RASAL2: variants seen among roughly 807,000 people sequenced by gnomAD.
RASAL2 encodes ras GTPase-activating protein nGAP.
Under a neutral mutation model 128.9 loss-of-function variants are expected in RASAL2, and 58 were observed. That is an observed-to-expected ratio of 0.45 (90% CI 0.36 to 0.56). The LOEUF (loss-of-function observed/expected upper bound fraction) is 0.56, where lower values mean the gene tolerates loss of function less well. Ranked by LOEUF, RASAL2 falls within the 20% of genes least tolerant of loss-of-function variation. RASAL2 has a pLI of 0.00. For synonymous variants in RASAL2, 561 were observed against 580.8 expected, an observed-to-expected ratio of 0.97 and a Z score of 0.49; for missense variants, 1,360 against 1,601.6, an observed-to-expected ratio of 0.85 and a Z score of 2.57.
intron 3 of RASAL2, among the ~76,000 whole-genome samples, chr1:178,378,950 G>T (rs914992619): frequency 3.3e-5 from 5 of 151,688 alleles, no homozygotes; most frequent in Non-Finnish European, 7.4e-5. Context: ...GAAATAAACA[G>T]AATCAATAAA....
intron 1 of RASAL2, among the ~76,000 whole-genome samples, chr1:178,217,509 A>G (rs1478961938): frequency 1.3e-5 from 2 of 152,176 alleles, no homozygotes; most frequent in Non-Finnish European, 2.9e-5. Flanking sequence ...AGTTTTGACA[A>G]GCTACAGGCA....
intron 4 of RASAL2, among the ~76,000 whole-genome samples, chr1:178,407,801 A>C (rs944954984): frequency 5.3e-5 from 8 of 152,220 alleles, no homozygotes; most frequent in African/African-American, 1.9e-4. Context: ...GGAACGCAGC[A>C]GTGCTAGGAT....
At chr1:178,118,539 A>C (rs1368193413) in intron 1 of RASAL2, among the ~76,000 whole-genome samples, 1 of 152,218 alleles carries the variant, frequency 6.6e-6, no homozygotes, top group African/African-American at 2.4e-5. Context: ...GCTTAGTCAC[A>C]AATGGGTTGT....
chr1:178,204,970 A>G (rs1023332991), intron 1 of RASAL2, among the ~76,000 whole-genome samples: 1 of 152,214 alleles, frequency 6.6e-6, no homozygotes, highest in African/African-American at 2.4e-5. Context: ...TAGAATTACT[A>G]GCTGAAAATA....
intron 1 of RASAL2, among the ~76,000 whole-genome samples, chr1:178,268,411 T>C (rs1666087295): frequency 6.6e-6 from 1 of 151,840 alleles, no homozygotes; most frequent in African/African-American, 2.4e-5. Context: ...GAGGTTGCAG[T>C]GAGCCGAGAT....
At chr1:178,266,805 G>C (rs567860564) in intron 1 of RASAL2, among the ~76,000 whole-genome samples, 20 of 152,228 alleles carry the variant, frequency 1.3e-4, no homozygotes, top group South Asian at 8.3e-4. Context: ...GGAAAAAACT[G>C]GCCCTCCCAC....
chr1:178,262,797 T>C (rs1207929995), intron 1 of RASAL2, among the ~76,000 whole-genome samples: 2 of 117,708 alleles, frequency 1.7e-5, no homozygotes, highest in Non-Finnish European at 3.3e-5. Context: ...CCCCACTCAT[T>C]TTTTTTTTTT....
At chr1:178,456,467 G>T in intron 12 of RASAL2, 1 of 559,846 alleles carries the variant, frequency 1.8e-6, no homozygotes, top group Non-Finnish European at 3.2e-6. Context: ...ATTTTTACTT[G>T]CATAATCCTG....
intron 1 of RASAL2, among the ~76,000 whole-genome samples, chr1:178,242,329 T>G (rs1200424817): frequency 6.6e-6 from 1 of 152,178 alleles, no homozygotes; most frequent in Non-Finnish European, 1.5e-5. Context: ...CTCTTAATAT[T>G]TTAGCATATC....
At chr1:178,341,554 G>A (rs777624508) in intron 3 of RASAL2, 62 of 1,613,556 alleles carry the variant, frequency 3.8e-5, no homozygotes, top group Middle Eastern at 1.6e-4. Context: ...TCTGACTGGC[G>A]TGCCGGAAAG....
intron 3 of RASAL2, 128 bp downstream of exon 3, chr1:178,300,246 G>A: frequency 1.8e-6 from 2 of 1,099,154 alleles, no homozygotes; most frequent in South Asian, 1.6e-5. Flanking sequence ...GGCACGTTAA[G>A]CGAGAGTTAG....
At chr1:178,327,331 T>G (rs1669084942) in intron 3 of RASAL2, among the ~76,000 whole-genome samples, 1 of 151,944 alleles carries the variant, frequency 6.6e-6, no homozygotes, top group Admixed American at 6.6e-5. Context: ...AAAATACAGT[T>G]TATTTTATTT....
chr1:178,358,487 A>G (rs1213496263), intron 3 of RASAL2, among the ~76,000 whole-genome samples: 1 of 152,088 alleles, frequency 6.6e-6, no homozygotes, highest in Non-Finnish European at 1.5e-5. Context: ...AGCATGACCA[A>G]CTCAATAGAA....
chr1:178,158,736 T>G (rs1269341203), intron 1 of RASAL2, among the ~76,000 whole-genome samples: 2 of 152,204 alleles, frequency 1.3e-5, no homozygotes, highest in African/African-American at 4.8e-5. Flanking sequence ...TTTCTTCCCT[T>G]ATAATTCAAA....
At chr1:178,298,457 G>A (rs543103506) in intron 2 of RASAL2, among the ~76,000 whole-genome samples, 17 of 152,294 alleles carry the variant, frequency 1.1e-4, no homozygotes, top group African/African-American at 4.1e-4. Flanking sequence ...GCCTATGGAG[G>A]CATTAGGAAT....
chr1:178,102,892 A>C (rs1446155390), intron 1 of RASAL2, among the ~76,000 whole-genome samples: 1 of 152,188 alleles, frequency 6.6e-6, no homozygotes, highest in Non-Finnish European at 1.5e-5. Flanking sequence ...CGTGCATAGA[A>C]GCAAATGTAG....
intron 4 of RASAL2, among the ~76,000 whole-genome samples, chr1:178,412,655 G>A (rs914971880): frequency 6.6e-6 from 1 of 152,134 alleles, no homozygotes; most frequent in Non-Finnish European, 1.5e-5. Flanking sequence ...AAACATTGTG[G>A]TTGATGTTAA....
intron 1 of RASAL2, among the ~76,000 whole-genome samples, chr1:178,130,669 C>A (rs964229168): frequency 6.6e-5 from 10 of 152,140 alleles, no homozygotes; most frequent in African/African-American, 2.2e-4. Context: ...AATAAACAAA[C>A]CTCTAGACTA....
intron 3 of RASAL2, among the ~76,000 whole-genome samples, chr1:178,307,932 A>G (rs1668066947): frequency 6.6e-6 from 1 of 152,230 alleles, no homozygotes; most frequent in Admixed American, 6.5e-5. Flanking sequence ...AATGCCAAAC[A>G]TTCGTAAATC....
Sources: gnomAD v4.1 joint callset for allele counts (sites outside exome capture counted in the v4.1 genomes callset) on GRCh38, gnomAD v4.1.1 for gene constraint, MANE v1.5 for transcripts, NCBI Gene and HGNC (gene_info 2026-07-23, HGNC 2026-07-21) for gene names.